MYH9: variants seen among roughly 807,000 people sequenced by gnomAD.
MYH9 encodes myosin heavy chain 9.
In MYH9, 29 loss-of-function variants were observed where a neutral mutation model predicts 241.9. That is an observed-to-expected ratio of 0.12 (90% CI 0.09 to 0.16). The LOEUF is 0.16. Ranked by LOEUF, MYH9 falls within the 10% of genes least tolerant of loss-of-function variation. The pLI is 1.00. For synonymous variants in MYH9, 1,047 were observed against 1,062.6 expected (o/e 0.99, Z 0.29); for missense variants, 1,803 against 2,595.5 (o/e 0.69, Z 6.63).
chr22:36,314,300 G>A lies in MYH9; in HGVS notation c.1399C>T (p.Leu467=). The A allele has an allele frequency of 6.2e-7, 1 of 1,614,238 alleles. No individual in the cohort carries two copies. Among genetic ancestry groups the A allele is most frequent in the Non-Finnish European group, 8.5e-7 (1 of 1,180,044 alleles). ...TTCTCATTGGTGTAATTGATGCACA[G>A]CTGCTCAAACGAGTTCAGCTGCAAG... ...EIFDLNSFEQ[L]CINYTNEKLQ... is the part of the protein sequence containing the mutation. The change falls in exon 13 of 41, where the codon CTG becomes TTG. Residue 467 remains leucine (L), a synonymous_variant. Transcript: ENST00000216181.
At chr22:36,343,162 T>C (rs1325596037) in intron 2 of MYH9, among the ~76,000 whole-genome samples, 1 of 152,008 alleles carries the variant, frequency 6.6e-6, no homozygotes, top group East Asian at 1.9e-4. Flanking sequence ...GGCCAAAGGC[T>C]ATGGCACAGG....
chr22:36,313,856 C>T (rs1047760895), intron 13 of MYH9, among the ~76,000 whole-genome samples: 3 of 152,168 alleles, frequency 2.0e-5, no homozygotes, highest in Non-Finnish European at 4.4e-5. Flanking sequence ...GGGTGGTCTT[C>T]TGGGACTGAA....
chr22:36,365,060 G>A (rs191564637), intron 1 of MYH9: 1 of 144,480 alleles, frequency 6.9e-6, no homozygotes, highest in Admixed American at 7.2e-5. Context: ...CCACTGTGAT[G>A]ACAAAATAAG....
intron 1 of MYH9, among the ~76,000 whole-genome samples, chr22:36,376,863 G>A (rs920186080): frequency 6.6e-6 from 1 of 152,256 alleles, no homozygotes; most frequent in Non-Finnish European, 1.5e-5. Flanking sequence ...TAGAGTTTGA[G>A]ACCAGCCTAG....
intron 1 of MYH9, among the ~76,000 whole-genome samples, chr22:36,358,095 T>G (rs1055487645): frequency 2.6e-5 from 4 of 152,190 alleles, no homozygotes; most frequent in Non-Finnish European, 5.9e-5. Context: ...CACCCCACCC[T>G]GGGAATCCCA....
Position 36,300,062 on chromosome 22 carries a change from G to A in MYH9, c.2976+65C>T. On this transcript the variant is annotated intron_variant, in intron 23 of 40. Transcript: ENST00000216181. The surrounding 1 kb of genome is among the most constrained non-coding windows in gnomAD (Gnocchi z 5.0). ...GCAGCGGGGAGCCAGGCCCTGCAAG[G>A]GTGACCACACTCTCCCATCCACGGC... 2 of 1,599,096 alleles carry A rather than the reference G, an allele frequency of 1.3e-6. No individual in the cohort carries two copies. Among genetic ancestry groups the A allele is most frequent in the Non-Finnish European group, 1.7e-6 (2 of 1,177,836 alleles).
chr22:36,305,876 C>G lies in MYH9; in HGVS notation c.2159+54G>C, dbSNP rs1228349463. On this transcript the variant is annotated intron_variant, in intron 17 of 40. Transcript: ENST00000216181. This position sits in a 1 kb window ranked among gnomAD's most constrained non-coding sequence, Gnocchi z 4.7. ...AGGGAGCAGCAGCCCACCTCTGGGA[C>G]TCACTGCACGCACAGCAGGGCCCAG... 29 of 1,610,488 alleles carry G rather than the reference C, an allele frequency of 1.8e-5. No homozygotes were observed. The highest frequency in any genetic ancestry group is 2.5e-5 in the Non-Finnish European group (29 of 1,178,886).
At chr22:36,319,737 G>A in intron 9 of MYH9, 102 bp from the exon 10 acceptor site, 1 of 1,166,272 alleles carries the variant, frequency 8.6e-7, no homozygotes, top group Non-Finnish European at 1.3e-6. Context: ...GACAAGCCAA[G>A]CAGGGACACC....
chr22:36,282,861 T>C (rs776182379), intron 40 of MYH9, 76 bp from the exon 41 acceptor site: 5 of 1,308,276 alleles, frequency 3.8e-6, no homozygotes, highest in Non-Finnish European at 5.3e-6. Context: ...CCCACACATC[T>C]CAAAGTGAAT....
intron 5 of MYH9, 89 bp downstream of exon 5, chr22:36,326,479 A>G: frequency 8.4e-7 from 1 of 1,194,026 alleles, no homozygotes. Flanking sequence ...CCTCTTGTAA[A>G]GCTGAAGCCG....
chr22:36,364,466 A>C (rs891879089), intron 1 of MYH9, among the ~76,000 whole-genome samples: 1 of 152,114 alleles, frequency 6.6e-6, no homozygotes, highest in Non-Finnish European at 1.5e-5. Context: ...ATCATCTTCT[A>C]TCTTATTGTC....
At chr22:36,382,573 C>T (rs919602556) in intron 1 of MYH9, among the ~76,000 whole-genome samples, 13 of 151,856 alleles carry the variant, frequency 8.6e-5, no homozygotes, top group African/African-American at 2.9e-4. Context: ...GAGGCCAAGG[C>T]GGGTGGATCG....
rs1434005416 is a variant in MYH9, at chr22:36,312,157, CTT to C, written c.1618_1619del (p.Lys540GlufsTer27). 6.2e-7 allele frequency: 1 copy of C among 1,614,200 alleles called. No homozygotes were observed. The part of the protein sequence containing the change: ...EECWFPKATD[K>X]SFVEKVMQEQ... ...CCTGCATCACCTTCTCCACGAAGCT[CTT>C]GTCGGTGGCTTTGGGGAACCAGCAC... On this transcript the variant is annotated frameshift_variant, in exon 14 of 41. Transcript: ENST00000216181. LOFTEE classifies it high-confidence loss of function.
Position 36,288,211 on chromosome 22 carries a change from C to A in MYH9, c.4932+41G>T. 2 of 1,610,600 alleles carry A rather than the reference C, an allele frequency of 1.2e-6. No individual in the cohort carries two copies. The highest frequency in any genetic ancestry group is 1.1e-5 in the South Asian group (1 of 90,960). On this transcript the variant is annotated intron_variant, in intron 34 of 40. Coordinates refer to ENST00000216181, the MANE Select transcript of MYH9 (RefSeq NM_002473.6). The surrounding 1 kb of genome is among the most constrained non-coding windows in gnomAD (Gnocchi z 4.8). ...CACCTTCATATGTAGTTGGCTCAGT[C>A]GGGTGCCGCCCACCCTCACCTGGGC...
intron 1 of MYH9, among the ~76,000 whole-genome samples, chr22:36,350,673 T>C (rs769837169): frequency 3.3e-5 from 5 of 152,278 alleles, no homozygotes; most frequent in Admixed American, 6.5e-5. Flanking sequence ...GTATATATTA[T>C]TACCACCAAT....
intron 6 of MYH9, chr22:36,322,067 C>T: frequency 1.7e-6 from 1 of 593,746 alleles, no homozygotes; most frequent in Non-Finnish European, 3.0e-6. Flanking sequence ...ACCCAGGTTC[C>T]TCCGCAGAGG....
intron 19 of MYH9, 92 bp from the exon 20 acceptor site, chr22:36,302,768 T>C: frequency 9.0e-7 from 1 of 1,106,260 alleles, no homozygotes; most frequent in Non-Finnish European, 1.3e-6. Flanking sequence ...TCTGGGGGTC[T>C]ACCCTTGCCT....
rs1401564859 is a variant in MYH9 at position 36,332,685 on chromosome 22, A to C, written c.491-5197T>G. ...TTAAAAAAAAAAAAAAAAAAAAAAA[A>C]AAAAACCTCAAGGTATTGCTCTTAA... On this transcript the variant is annotated intron_variant, in intron 3 of 40. Coordinates refer to ENST00000216181, the MANE Select transcript of MYH9 (RefSeq NM_002473.6). Among the ~76,000 whole-genome samples the C allele has an allele frequency of 8.6e-5, 13 of 151,214 alleles. No homozygotes were observed. In the East Asian group the frequency reaches 2.3e-3, roughly 27 times the overall value.
chr22:36,353,476 T>A (rs1471274722), intron 1 of MYH9, among the ~76,000 whole-genome samples: 1 of 152,032 alleles, frequency 6.6e-6, no homozygotes, highest in Admixed American at 6.5e-5. Flanking sequence ...TTCTCCTGTC[T>A]CAGGCTTCCG....
Sources: gnomAD v4.1 joint callset for allele counts (sites outside exome capture counted in the v4.1 genomes callset) on GRCh38, gnomAD v4.1.1 for gene constraint, Gnocchi (gnomAD v3.1) non-coding constraint, MANE v1.5 for transcripts, NCBI Gene and HGNC (gene_info 2026-07-23, HGNC 2026-07-21) for gene names.